Variants in FAM107B observed in about 807,000 individuals in gnomAD.
The protein encoded by FAM107B is protein FAM107B.
FAM107B carries 21 observed loss-of-function variants against 31.5 expected under a neutral mutation model. That is an observed-to-expected ratio of 0.67 (90% CI 0.47 to 0.96). FAM107B has a LOEUF of 0.96. Among genes scored for constraint, FAM107B ranks in the 40% least tolerant of loss-of-function variants. The probability of loss-of-function intolerance (pLI) is 0.00; values close to 1 mark genes in which losing one functional copy is unlikely to be tolerated. For missense variants in FAM107B, 452 were observed against 377.1 expected (o/e 1.20, Z -1.64); for synonymous variants, 157 against 141.5 (o/e 1.11, Z -0.78).
chr10:14,581,782 G>A lies in FAM107B; in HGVS notation c.470-51267C>T, dbSNP rs558080469. Among the ~76,000 whole-genome samples, 21 of 152,214 alleles carry A rather than the reference G, an allele frequency of 1.4e-4. No homozygotes were observed. The South Asian group carries it at 4.2e-3, about 30-fold the overall frequency. Reference sequence around the variant, plus strand: ...AGTGAGCGTGGTGGTGCACACCCACGGTCCCAGCTACTCGGGAGGCTGGGG... The same window carrying A: ...AGTGAGCGTGGTGGTGCACACCCACAGTCCCAGCTACTCGGGAGGCTGGGG... On this transcript the variant is annotated intron_variant, in intron 2 of 4. Transcript: ENST00000181796.
chr10:14,738,333 C>T (rs767398587), intron 1 of FAM107B, among the ~76,000 whole-genome samples: 4 of 152,108 alleles, frequency 2.6e-5, no homozygotes, highest in Non-Finnish European at 4.4e-5. Context: ...TCAGAGAAAA[C>T]GAGGCACTAT....
At chr10:14,565,174 A>G (rs550633421) in intron 2 of FAM107B, among the ~76,000 whole-genome samples, 1 of 152,352 alleles carries the variant, frequency 6.6e-6, no homozygotes, top group East Asian at 1.9e-4. Flanking sequence ...ACTGAGGATA[A>G]AGCAGTAAAA....
intron 1 of FAM107B, among the ~76,000 whole-genome samples, chr10:14,706,997 C>T (rs1015702768): frequency 3.3e-5 from 5 of 151,988 alleles, no homozygotes; most frequent in South Asian, 2.1e-4. Flanking sequence ...TGGTGGCACG[C>T]GCCTGTAGTC....
intron 1 of FAM107B, among the ~76,000 whole-genome samples, chr10:14,677,952 A>T (rs553334454): frequency 2.6e-5 from 4 of 152,328 alleles, no homozygotes; most frequent in Admixed American, 2.0e-4. Flanking sequence ...ACCATCATCA[A>T]ACTCTATTCT....
intron 1 of FAM107B, chr10:14,723,864 G>A (rs987365741): frequency 7.6e-5 from 57 of 754,208 alleles, no homozygotes; most frequent in African/African-American, 2.0e-4. Context: ...TGGCAACAAC[G>A]GCATGAACTG....
At chr10:14,534,839 T>A (rs1847442352) in intron 2 of FAM107B, 1 of 152,274 alleles carries the variant, frequency 6.6e-6, no homozygotes, top group Non-Finnish European at 1.5e-5. Flanking sequence ...CATGTCTGGT[T>A]TATGTTCCTA....
rs560531242 is a variant in FAM107B, at chr10:14,753,093, C to A, written c.411+21160G>T. ...CCCTCTAAAGTTTCTAGCTCAAAAG[C>A]TATTTATGGCATTACCAAAAAGATG... On this transcript the variant is annotated intron_variant, in intron 1 of 4. Coordinates refer to ENST00000181796, the MANE Select transcript of FAM107B (RefSeq NM_031453.4). Among the ~76,000 whole-genome samples, 11 of 152,240 alleles carry A rather than the reference C, an allele frequency of 7.2e-5. No individual in the cohort carries two copies. In the East Asian group the frequency reaches 2.1e-3, roughly 29 times the overall value.
chr10:14,649,975 G>A (rs1205142943), intron 2 of FAM107B, among the ~76,000 whole-genome samples: 2 of 152,184 alleles, frequency 1.3e-5, no homozygotes, highest in African/African-American at 2.4e-5. Flanking sequence ...GTTTCCTCCA[G>A]TATCCTTAAC....
chr10:14,530,426 G>C lies in FAM107B; in HGVS notation c.559C>G (p.Pro187Ala), dbSNP rs1200147110. The part of the protein sequence containing the change: ...AEPDYIEDDN[P>A]ELIRPQKLIN... ...AGTTTCTGAGGCCTAATGAGTTCAG[G>C]ATTGTCATCTTCTATGTAGTCTGGC... The change falls in exon 3 of 5, where the codon CCT becomes GCT. Residue 187 changes from proline (P) to alanine (A), a missense_variant. Coordinates refer to ENST00000181796, the MANE Select transcript of FAM107B (RefSeq NM_031453.4). 6.2e-7 allele frequency: 1 copy of C among 1,614,108 alleles called. No homozygotes were observed. The highest frequency in any genetic ancestry group is 8.5e-7 in the Non-Finnish European group (1 of 1,180,018).
intron 1 of FAM107B, among the ~76,000 whole-genome samples, chr10:14,717,043 T>C (rs1290447983): frequency 2.6e-5 from 4 of 152,168 alleles, no homozygotes; most frequent in Admixed American, 6.5e-5. Context: ...GGAGCCGAGA[T>C]AGCGCCACTG....
intron 2 of FAM107B, among the ~76,000 whole-genome samples, chr10:14,559,100 A>C (rs1849978629): frequency 1.5e-5 from 1 of 66,800 alleles, no homozygotes; most frequent in Admixed American, 1.5e-4. Flanking sequence ...GTGGAACTTC[A>C]AAAAAAAAAA....
intron 2 of FAM107B, among the ~76,000 whole-genome samples, chr10:14,543,626 C>T (rs894026211): frequency 6.7e-6 from 1 of 150,320 alleles, no homozygotes; most frequent in Non-Finnish European, 1.5e-5. Flanking sequence ...TTCAGCACTT[C>T]CAGAAAAAAG....
At chr10:14,685,842 A>T (rs1854970557) in intron 1 of FAM107B, among the ~76,000 whole-genome samples, 1 of 152,194 alleles carries the variant, frequency 6.6e-6, no homozygotes. Context: ...AAGAGGTTTA[A>T]TGGACTCACA....
chr10:14,611,622 G>A (rs951310631), intron 2 of FAM107B, among the ~76,000 whole-genome samples: 11 of 150,816 alleles, frequency 7.3e-5, no homozygotes, highest in African/African-American at 1.7e-4. Context: ...TGGTGACCTC[G>A]GATAAGAAAC....
intron 2 of FAM107B, among the ~76,000 whole-genome samples, chr10:14,559,589 A>G (rs928549509): frequency 8.6e-4 from 114 of 133,066 alleles, no homozygotes; most frequent in African/African-American, 3.1e-3. Flanking sequence ...TTTTTTTTTG[A>G]GATGGAGTCA....
intron 2 of FAM107B, among the ~76,000 whole-genome samples, chr10:14,582,365 TTTTTC>T (rs1166752889): frequency 2.3e-5 from 3 of 132,876 alleles, no homozygotes; most frequent in African/African-American, 8.2e-5. Context: ...TTGTTTTTGT[TTTTTC>T]TTTTCTTTTT....
At chr10:14,721,671 T>G (rs2131549959) in intron 1 of FAM107B, among the ~76,000 whole-genome samples, 1 of 152,360 alleles carries the variant, frequency 6.6e-6, no homozygotes, top group Non-Finnish European at 1.5e-5. Flanking sequence ...TTCATATCCT[T>G]CACCCACTTT....
chr10:14,602,057 G>C (rs1852417091), intron 2 of FAM107B, among the ~76,000 whole-genome samples: 1 of 152,188 alleles, frequency 6.6e-6, no homozygotes, highest in Non-Finnish European at 1.5e-5. Flanking sequence ...CCTGGGGTAG[G>C]AGATTGTGAC....
At chr10:14,659,221 A>G (rs762156301) in intron 2 of FAM107B, among the ~76,000 whole-genome samples, 8 of 152,034 alleles carry the variant, frequency 5.3e-5, no homozygotes, top group Non-Finnish European at 2.9e-5. Context: ...TGGGTGGATC[A>G]CCTAAGGTCA....
Sources: allele counts gnomAD v4.1 joint callset (sites outside exome capture counted in the v4.1 genomes callset), GRCh38; gene constraint gnomAD v4.1.1; transcripts MANE v1.5; gene names NCBI Gene and HGNC (gene_info 2026-07-23, HGNC 2026-07-21).